Variants in PLGRKT observed in about 807,000 individuals in gnomAD.
PLGRKT encodes plasminogen receptor (KT).
Under a neutral mutation model 18.5 loss-of-function variants are expected in PLGRKT, and 22 were observed. The observed-to-expected ratio is 1.19, with a 90% CI of 0.85 to 1.70. The LOEUF (loss-of-function observed/expected upper bound fraction) is 1.70, where lower values mean the gene tolerates loss of function less well. Among genes scored for constraint, PLGRKT ranks in the 40% most tolerant of loss-of-function variants. The pLI is 0.00. For synonymous variants in PLGRKT, 72 were observed against 52.8 expected (o/e 1.36, Z -1.58); for missense variants, 235 against 174.4 (o/e 1.35, Z -1.96).
intron 3 of PLGRKT, among the ~76,000 whole-genome samples, chr9:5,397,861 A>G (rs1360742800): frequency 6.6e-6 from 1 of 151,934 alleles, no homozygotes; most frequent in Non-Finnish European, 1.5e-5. Context: ...CCTCTTCTCT[A>G]TCTCTAGCTT....
At chr9:5,366,403 A>T (rs576590825) in intron 3 of PLGRKT, among the ~76,000 whole-genome samples, 10 of 152,172 alleles carry the variant, frequency 6.6e-5, no homozygotes, top group Non-Finnish European at 1.5e-4. Context: ...TTATAATAAT[A>T]ATTTTCTTAT....
At chr9:5,423,990 A>G (rs1042555786) in intron 3 of PLGRKT, among the ~76,000 whole-genome samples, 114 of 137,790 alleles carry the variant, frequency 8.3e-4, no homozygotes, top group Non-Finnish European at 1.2e-3. Context: ...TGTAATATGT[A>G]ATATATATGT....
intron 3 of PLGRKT, among the ~76,000 whole-genome samples, chr9:5,403,235 T>C (rs1419545875): frequency 6.6e-6 from 1 of 150,902 alleles, no homozygotes; most frequent in Non-Finnish European, 1.5e-5. Flanking sequence ...TTTTTTTTTT[T>C]TTTTTGAGAT....
chr9:5,360,358 T>C (rs1018538715), intron 5 of PLGRKT, among the ~76,000 whole-genome samples: 3 of 152,228 alleles, frequency 2.0e-5, no homozygotes, highest in Non-Finnish European at 4.4e-5. Flanking sequence ...TATTATAGGC[T>C]TGTGGACTCA....
intron 3 of PLGRKT, among the ~76,000 whole-genome samples, chr9:5,422,892 T>C (rs538784432): frequency 1.3e-5 from 2 of 152,212 alleles, no homozygotes; most frequent in African/African-American, 4.8e-5. Context: ...TTAGATTTGC[T>C]GGTGGGTCTT....
intron 5 of PLGRKT, among the ~76,000 whole-genome samples, chr9:5,359,438 T>C (rs941661468): frequency 3.9e-5 from 6 of 152,168 alleles, no homozygotes; most frequent in Non-Finnish European, 8.8e-5. Context: ...CATCTGCAAA[T>C]GTCTTATTTT....
intron 3 of PLGRKT, among the ~76,000 whole-genome samples, chr9:5,376,771 C>A (rs1468534781): frequency 6.6e-6 from 1 of 152,124 alleles, no homozygotes; most frequent in Non-Finnish European, 1.5e-5. Context: ...TCTGTATATA[C>A]ATACACACAT....
chr9:5,414,817 G>GA (rs200165509), intron 3 of PLGRKT, among the ~76,000 whole-genome samples: 1 of 151,850 alleles, frequency 6.6e-6, no homozygotes, highest in African/African-American at 2.4e-5. Flanking sequence ...AGTACCTGAG[G>GA]AAAAAAAACT....
At chr9:5,415,011 T>C (rs1271517799) in intron 3 of PLGRKT, among the ~76,000 whole-genome samples, 1 of 152,212 alleles carries the variant, frequency 6.6e-6, no homozygotes, top group African/African-American at 2.4e-5. Context: ...ACAATCATCA[T>C]AACAGTAAGC....
Position 5,424,693 on chromosome 9 carries a change from CACACA to C in PLGRKT, c.81+7199_81+7203del, listed in dbSNP as rs1448099112. Among the ~76,000 whole-genome samples, 10 of 58,042 alleles carry C rather than the reference CACACA, an allele frequency of 1.7e-4. 1 individual carries two copies. Among genetic ancestry groups the C allele is most frequent in the African/African-American group, 6.3e-4 (8 of 12,668 alleles). 38.1% of individuals were successfully genotyped at this position (58,042 alleles called of 152,430 possible). A position where few individuals can be genotyped will look rare whatever the true frequency, so the allele number is the denominator to read the frequency against. Reference sequence around the variant, plus strand: ...TTATATATATATATATATATATATACACACAGGGGGGGGAGAGAGGGAGAGACAGA... The same window carrying C: ...TTATATATATATATATATATATATACGGGGGGGGAGAGAGGGAGAGACAGA... On this transcript the variant is annotated intron_variant, in intron 3 of 5. Transcript: ENST00000223864.
chr9:5,434,548 G>A lies in PLGRKT; in HGVS notation c.-7+2021C>T, dbSNP rs576714338. 6.4e-4 allele frequency among the ~76,000 whole-genome samples: 94 copies of A among 146,004 alleles called. 3 individuals are homozygous for A. The highest frequency in any genetic ancestry group is 2.3e-3 in the African/African-American group (87 of 38,394). On this transcript the variant is annotated intron_variant, in intron 2 of 5. Transcript: ENST00000223864. ...GCTCTTTGTCTGGGAGGTGGGGAGC[G>A]CCTCTGCCCAGCCGCCCCGTCTGGG...
intron 3 of PLGRKT, among the ~76,000 whole-genome samples, chr9:5,423,227 G>C (rs532553619): frequency 3.0e-4 from 45 of 152,266 alleles, no homozygotes; most frequent in African/African-American, 1.1e-3. Context: ...TGAGTTCCTT[G>C]AAAGAGGGGA....
chr9:5,431,531 CAAAAAAAA>C (rs1191361436), intron 3 of PLGRKT, among the ~76,000 whole-genome samples: 2,709 of 77,076 alleles, frequency 0.035, 84 homozygotes, highest in African/African-American at 0.12. Flanking sequence ...GAGACTCTCT[CAAAAAAAA>C]AAAAAAAAAA....
chr9:5,420,360 T>C (rs1052304862), intron 3 of PLGRKT, among the ~76,000 whole-genome samples: 2 of 152,200 alleles, frequency 1.3e-5, no homozygotes, highest in Non-Finnish European at 2.9e-5. Flanking sequence ...GTACTAAATG[T>C]CACTGAATTG....
intron 4 of PLGRKT, 108 bp downstream of exon 4, chr9:5,361,650 T>C: frequency 9.6e-7 from 1 of 1,042,402 alleles, no homozygotes; most frequent in Non-Finnish European, 1.4e-6. Context: ...TTTGGTTACA[T>C]ACACTATTTG....
At position 5,419,042 on chromosome 9, in the gene PLGRKT, C is replaced by T. The variant is rs80347735; in HGVS notation, c.81+12855G>A. On this transcript the variant is annotated intron_variant, in intron 3 of 5. Transcript: ENST00000223864. The stretch of plus-strand genomic sequence containing the variant: ...GAGGGAGCTGGTCTTCAGAGGCCGC[C>T]GCTCTGCGTCTTTCCAGTGCAGGTC... 4.1e-3 allele frequency: 1,688 copies of T among 416,238 alleles called. 23 individuals carry two copies. The highest frequency in any genetic ancestry group is 0.033 in the African/African-American group (1,583 of 48,566). 25.8% of individuals were successfully genotyped at this position (416,238 alleles called of 1,614,324 possible).
intron 3 of PLGRKT, among the ~76,000 whole-genome samples, chr9:5,412,537 G>T (rs1818384799): frequency 6.6e-6 from 1 of 152,176 alleles, no homozygotes; most frequent in South Asian, 2.1e-4. Context: ...CTTATCATAT[G>T]ATGCTTCCCG....
intron 3 of PLGRKT, among the ~76,000 whole-genome samples, chr9:5,374,776 A>G (rs1004589719): frequency 3.3e-5 from 5 of 152,246 alleles, no homozygotes; most frequent in Non-Finnish European, 1.5e-5. Flanking sequence ...ATTTTTAGTT[A>G]TCCATTTCTG....
chr9:5,390,436 G>C (rs1275079996), intron 3 of PLGRKT, among the ~76,000 whole-genome samples: 6 of 151,562 alleles, frequency 4.0e-5, no homozygotes, highest in Non-Finnish European at 5.9e-5. Flanking sequence ...GAGTCAAAGA[G>C]GCAGGCTGAG....
Sources: allele counts gnomAD v4.1 joint callset (sites outside exome capture counted in the v4.1 genomes callset), GRCh38; gene constraint gnomAD v4.1.1; transcripts MANE v1.5; gene names NCBI Gene and HGNC (gene_info 2026-07-23, HGNC 2026-07-21).